FNDC3B: variants seen among roughly 807,000 people sequenced by gnomAD.
FNDC3B encodes the protein fibronectin type III domain containing 3B.
Under a neutral mutation model 151.5 loss-of-function variants are expected in FNDC3B, and 12 were observed. The ratio of observed to expected loss-of-function variants is 0.08; its 90% CI spans 0.05 to 0.13. The LOEUF (loss-of-function observed/expected upper bound fraction) is 0.13. Among genes scored for constraint, FNDC3B ranks in the 10% least tolerant of loss-of-function variants. The pLI is 1.00. For synonymous variants in FNDC3B, 528 were observed against 549.0 expected (o/e 0.96, Z 0.54); for missense variants, 1,214 against 1,505.3 (o/e 0.81, Z 3.20).
intron 3 of FNDC3B, among the ~76,000 whole-genome samples, chr3:172,219,806 G>A (rs1726176181): frequency 6.6e-6 from 1 of 152,108 alleles, no homozygotes; most frequent in South Asian, 2.1e-4. Flanking sequence ...TCCTTTTTAT[G>A]GTGGAGTAGT....
At chr3:172,291,263 T>C (rs990089900) in intron 7 of FNDC3B, among the ~76,000 whole-genome samples, 5 of 152,260 alleles carry the variant, frequency 3.3e-5, no homozygotes, top group African/African-American at 9.6e-5. Context: ...CTACATTTAA[T>C]AAATAGACGA....
In FNDC3B at chr3:172,058,081, A is replaced by AAATATTGT. The variant is rs527740921; in HGVS notation, c.-29+18311_-29+18318dup. Among the ~76,000 whole-genome samples, 54 of 152,342 alleles carry AAATATTGT rather than the reference A, an allele frequency of 3.5e-4. 2 individuals are homozygous for AAATATTGT. In the South Asian group the frequency reaches 0.011, roughly 32 times the overall value. ...AGTTAGGTGTCTAGGAAACCTTTTT[A>AAATATTGT]AATATTGTCAGAATTGGCACAATTG... On this transcript the variant is annotated intron_variant, in intron 1 of 25. Transcript: ENST00000415807.
At chr3:172,114,798 TAAG>T (rs1180054149) in intron 2 of FNDC3B, among the ~76,000 whole-genome samples, 4 of 152,222 alleles carry the variant, frequency 2.6e-5, no homozygotes, top group Admixed American at 1.3e-4. Context: ...CTAAAGCTAA[TAAG>T]AAGAATCTGT....
chr3:172,174,596 G>C (rs144177330), intron 3 of FNDC3B, among the ~76,000 whole-genome samples: 197 of 152,262 alleles, frequency 1.3e-3, no homozygotes, highest in African/African-American at 4.6e-3. Flanking sequence ...AAGACTTTTA[G>C]AAAGAGCATC....
At chr3:172,113,177 G>A (rs1411289917) in intron 2 of FNDC3B, among the ~76,000 whole-genome samples, 1 of 151,996 alleles carries the variant, frequency 6.6e-6, no homozygotes, top group Non-Finnish European at 1.5e-5. Flanking sequence ...AAATTATTAG[G>A]GATTGAACTA....
intron 7 of FNDC3B, among the ~76,000 whole-genome samples, chr3:172,294,992 C>G (rs2108840063): frequency 6.6e-6 from 1 of 152,326 alleles, no homozygotes; most frequent in South Asian, 2.1e-4. Context: ...AATGATTTGA[C>G]ACCATGCAAG....
intron 3 of FNDC3B, among the ~76,000 whole-genome samples, chr3:172,208,204 C>T (rs543709984): frequency 7.0e-4 from 107 of 152,144 alleles, no homozygotes; most frequent in Non-Finnish European, 1.2e-3. Flanking sequence ...AAAGAAAAAC[C>T]GAAGGTGTGA....
intron 22 of FNDC3B, among the ~76,000 whole-genome samples, chr3:172,360,776 T>C (rs1734316953): frequency 6.6e-6 from 1 of 152,068 alleles, no homozygotes; most frequent in Non-Finnish European, 1.5e-5. Flanking sequence ...TCTATTCTCT[T>C]GTATTGATCT....
chr3:172,356,634 G>A (rs955823163), intron 22 of FNDC3B, among the ~76,000 whole-genome samples: 6 of 152,174 alleles, frequency 3.9e-5, no homozygotes, highest in African/African-American at 1.4e-4. Flanking sequence ...GGAGCTTGGT[G>A]GGAGGCCAGT....
chr3:172,313,178 C>T (rs915701547), intron 11 of FNDC3B, among the ~76,000 whole-genome samples: 1 of 152,158 alleles, frequency 6.6e-6, no homozygotes, highest in African/African-American at 2.4e-5. Context: ...CTTTTGCCAA[C>T]ACAGGAATCC....
At chr3:172,383,099 G>A (rs1188676342) in intron 25 of FNDC3B, among the ~76,000 whole-genome samples, 3 of 152,152 alleles carry the variant, frequency 2.0e-5, no homozygotes, top group Admixed American at 6.5e-5. Flanking sequence ...TCCTATCCAC[G>A]AGCATGGAAT....
intron 23 of FNDC3B, among the ~76,000 whole-genome samples, chr3:172,368,694 A>T (rs1734746234): frequency 6.6e-6 from 1 of 152,090 alleles, no homozygotes; most frequent in Non-Finnish European, 1.5e-5. Flanking sequence ...TCAGTCCTTA[A>T]TTGTTGGGGA....
intron 9 of FNDC3B, chr3:172,301,821 G>T (rs1730925967): frequency 6.6e-6 from 1 of 152,142 alleles, no homozygotes; most frequent in Non-Finnish European, 1.5e-5. Context: ...TGCAGCTGCT[G>T]CACTCCAGCC....
At chr3:172,313,970 A>AT (rs1399718321) in intron 11 of FNDC3B, among the ~76,000 whole-genome samples, 1 of 152,114 alleles carries the variant, frequency 6.6e-6, no homozygotes, top group Non-Finnish European at 1.5e-5. Flanking sequence ...CCACATTCCT[A>AT]TGCTATACAG....
intron 3 of FNDC3B, among the ~76,000 whole-genome samples, chr3:172,133,841 G>A (rs1214406781): frequency 6.6e-6 from 1 of 152,116 alleles, no homozygotes; most frequent in Non-Finnish European, 1.5e-5. Context: ...GGGGGCTAAT[G>A]GTAGGAAGTT....
At chr3:172,133,576 C>G (rs749393147) in intron 3 of FNDC3B, 30 bp downstream of exon 3, 35 of 1,499,366 alleles carry the variant, frequency 2.3e-5, no homozygotes, top group Middle Eastern at 1.7e-4. Flanking sequence ...ATATTCTAAT[C>G]AAAGATTTTT....
intron 1 of FNDC3B, among the ~76,000 whole-genome samples, chr3:172,074,084 T>C (rs947014301): frequency 7.9e-5 from 12 of 152,166 alleles, no homozygotes; most frequent in African/African-American, 2.7e-4. Context: ...AAAACATAGA[T>C]TGAAATATAA....
chr3:172,240,123 G>A (rs549992473), intron 4 of FNDC3B, among the ~76,000 whole-genome samples: 8 of 151,978 alleles, frequency 5.3e-5, no homozygotes, highest in Admixed American at 2.0e-4. Context: ...TGCCCACCTC[G>A]GCCTCCCAGA....
At chr3:172,043,018 G>T (rs1716169427) in intron 1 of FNDC3B, among the ~76,000 whole-genome samples, 1 of 151,980 alleles carries the variant, frequency 6.6e-6, no homozygotes, top group Non-Finnish European at 1.5e-5. Flanking sequence ...GGATTCAAGC[G>T]ATTCTCCTGC....
Sources: gnomAD v4.1 joint callset for allele counts (sites outside exome capture counted in the v4.1 genomes callset) on GRCh38, gnomAD v4.1.1 for gene constraint, MANE v1.5 for transcripts, NCBI Gene and HGNC (gene_info 2026-07-23, HGNC 2026-07-21) for gene names.